Variants in CXCL13 observed in about 807,000 individuals in gnomAD.
CXCL13 encodes C-X-C motif chemokine ligand 13, also known as C-X-C motif chemokine 13.
In CXCL13, 7 loss-of-function variants were observed where a neutral mutation model predicts 12.2. The ratio of observed to expected loss-of-function variants is 0.57; its 90% CI spans 0.33 to 1.07. The LOEUF (loss-of-function observed/expected upper bound fraction) is 1.07, where lower values mean the gene tolerates loss of function less well. Among genes scored for constraint, CXCL13 ranks in the 50% least tolerant of loss-of-function variants. The probability of loss-of-function intolerance (pLI) is 0.04; values close to 1 mark genes in which losing one functional copy is unlikely to be tolerated. For missense variants in CXCL13, 113 were observed against 127.4 expected (o/e 0.89, Z 0.55); for synonymous variants, 47 against 42.4 (o/e 1.11, Z -0.42).
intron 1 of CXCL13, among the ~76,000 whole-genome samples, chr4:77,572,767 A>G (rs1375096942): frequency 2.0e-5 from 3 of 151,984 alleles, no homozygotes; most frequent in Non-Finnish European, 2.9e-5. Context: ...TTGTTCTATT[A>G]TAAAGACACA....
chr4:77,531,792 A>G (rs1578039819), intron 1 of CXCL13, among the ~76,000 whole-genome samples: 1 of 152,128 alleles, frequency 6.6e-6, no homozygotes, highest in South Asian at 2.1e-4. Flanking sequence ...TCCCTTTACC[A>G]TTATGTAATG....
rs1305546012 is a variant in CXCL13, at chr4:77,547,094, G to A, written c.-43+35306G>A. On this transcript the variant is annotated intron_variant, in intron 1 of 4. Transcript: ENST00000286758. ...CCAAGTACTAATTTGATTGCACTGTGGTCTGAGAGACAGTTTGTTGTGATT... is the reference window on the plus strand; with the variant it reads ...CCAAGTACTAATTTGATTGCACTGTAGTCTGAGAGACAGTTTGTTGTGATT... 2.0e-5 allele frequency among the ~76,000 whole-genome samples: 3 copies of A among 152,320 alleles called. No individual in the cohort carries two copies. The East Asian group carries it at 5.8e-4, about 29-fold the overall frequency.
intron 1 of CXCL13, among the ~76,000 whole-genome samples, chr4:77,557,421 A>C (rs897626816): frequency 6.6e-6 from 1 of 152,150 alleles, no homozygotes; most frequent in Non-Finnish European, 1.5e-5. Context: ...GATCATGACT[A>C]TATATTGAAG....
intron 1 of CXCL13, among the ~76,000 whole-genome samples, chr4:77,561,370 T>A (rs1207905531): frequency 2.0e-5 from 3 of 152,236 alleles, no homozygotes; most frequent in African/African-American, 7.2e-5. Flanking sequence ...AATAATTTAA[T>A]GGCAGCTCTA....
intron 1 of CXCL13, among the ~76,000 whole-genome samples, chr4:77,552,339 G>T (rs1578050379): frequency 6.6e-6 from 1 of 152,066 alleles, no homozygotes; most frequent in South Asian, 2.1e-4. Context: ...AGAATCCTAG[G>T]TAGGGTCCTT....
intron 1 of CXCL13, among the ~76,000 whole-genome samples, chr4:77,520,023 G>A (rs571825380): frequency 2.0e-5 from 3 of 152,302 alleles, no homozygotes; most frequent in South Asian, 2.1e-4. Flanking sequence ...TCAGATGGTT[G>A]TAGATGTGTG....
At chr4:77,596,946 T>G (rs1345204694) in intron 1 of CXCL13, among the ~76,000 whole-genome samples, 1 of 152,184 alleles carries the variant, frequency 6.6e-6, no homozygotes, top group Non-Finnish European at 1.5e-5. Context: ...AAGAAAAATG[T>G]GATCTATACA....
At chr4:77,580,808 C>T (rs78685458) in intron 1 of CXCL13, among the ~76,000 whole-genome samples, 2,093 of 137,104 alleles carry the variant, frequency 0.015, 67 homozygotes, top group African/African-American at 0.055. Context: ...CTCCTTCCCT[C>T]CCCTCTCCCT....
intron 1 of CXCL13, among the ~76,000 whole-genome samples, chr4:77,574,449 A>G (rs1050828860): frequency 2.0e-5 from 3 of 151,922 alleles, no homozygotes; most frequent in Non-Finnish European, 4.4e-5. Flanking sequence ...GGGGTATCAG[A>G]AATTACTTTG....
chr4:77,584,641 G>C (rs1270126304), intron 1 of CXCL13, among the ~76,000 whole-genome samples: 2 of 152,206 alleles, frequency 1.3e-5, no homozygotes, highest in African/African-American at 4.8e-5. Context: ...CACAGGAAAT[G>C]CTGAGGAGTG....
chr4:77,551,452 A>G (rs1051427690), intron 1 of CXCL13, among the ~76,000 whole-genome samples: 3 of 151,998 alleles, frequency 2.0e-5, no homozygotes, highest in African/African-American at 7.3e-5. Context: ...TAGGCCACCA[A>G]TCTCTCCTGG....
At chr4:77,522,906 G>A (rs914121603) in intron 1 of CXCL13, among the ~76,000 whole-genome samples, 1 of 152,048 alleles carries the variant, frequency 6.6e-6, no homozygotes, top group Non-Finnish European at 1.5e-5. Flanking sequence ...CAGGCCTGGT[G>A]GTGACAAAAT....
chr4:77,557,643 C>G (rs866952831), intron 1 of CXCL13, among the ~76,000 whole-genome samples: 1 of 152,170 alleles, frequency 6.6e-6, no homozygotes, highest in African/African-American at 2.4e-5. Context: ...GAGTAAGAAC[C>G]ACCACCTGTT....
At chr4:77,558,601 C>T (rs1017098383) in intron 1 of CXCL13, among the ~76,000 whole-genome samples, 4 of 152,182 alleles carry the variant, frequency 2.6e-5, no homozygotes, top group Non-Finnish European at 4.4e-5. Context: ...GATCTGCCCG[C>T]CTTGGCCTTC....
In CXCL13 at chr4:77,526,986, C is replaced by T. The variant is rs180993519; in HGVS notation, c.-43+15198C>T. ...GAACATGGTAGGCAATTTGGTTTCC[C>T]TTTGTGAAAATCAGGGACTAGAACT... On this transcript the variant is annotated intron_variant, in intron 1 of 4. Coordinates refer to the CXCL13 transcript ENST00000286758. Among the ~76,000 whole-genome samples, 6 of 152,262 alleles carry T rather than the reference C, an allele frequency of 3.9e-5. No individual in the cohort carries two copies. The East Asian group carries it at 1.2e-3, about 29-fold the overall frequency.
At chr4:77,538,294 C>G (rs1039143761) in intron 1 of CXCL13, among the ~76,000 whole-genome samples, 1 of 151,456 alleles carries the variant, frequency 6.6e-6, no homozygotes, top group Non-Finnish European at 1.5e-5. Flanking sequence ...TCTGCTCAGT[C>G]TCATGAAAGA....
At chr4:77,536,660 T>C (rs1302974865) in intron 1 of CXCL13, among the ~76,000 whole-genome samples, 1 of 152,228 alleles carries the variant, frequency 6.6e-6, no homozygotes, top group Non-Finnish European at 1.5e-5. Flanking sequence ...TAGCCATTAT[T>C]ATAACACCTA....
chr4:77,547,608 A>G (rs1267494730), intron 1 of CXCL13, among the ~76,000 whole-genome samples: 1 of 151,020 alleles, frequency 6.6e-6, no homozygotes, highest in Non-Finnish European at 1.5e-5. Flanking sequence ...CCATCCCTTT[A>G]TTTTGAGCTT....
chr4:77,591,774 C>T (rs940907125), intron 1 of CXCL13, among the ~76,000 whole-genome samples: 20 of 152,330 alleles, frequency 1.3e-4, no homozygotes, highest in Admixed American at 8.5e-4. Flanking sequence ...TTCATATCCA[C>T]GCCATTCACC....
Sources: gnomAD v4.1 joint callset for allele counts (sites outside exome capture counted in the v4.1 genomes callset) on GRCh38, gnomAD v4.1.1 for gene constraint, MANE v1.5 for transcripts, NCBI Gene and HGNC (gene_info 2026-07-23, HGNC 2026-07-21) for gene names.